ZNF330: variants seen among roughly 807,000 people sequenced by gnomAD.
ZNF330 encodes nucleolar atypical zinc finger.
Under a neutral mutation model 45.5 loss-of-function variants are expected in ZNF330, and 31 were observed. That is an observed-to-expected ratio of 0.68 (90% CI 0.51 to 0.92). The LOEUF is 0.92. Ranked by LOEUF, ZNF330 falls within the 40% of genes least tolerant of loss-of-function variation. ZNF330 has a pLI of 0.00. For missense variants in ZNF330, 356 were observed against 387.4 expected (o/e 0.92, Z 0.68); for synonymous variants, 138 against 123.2 (o/e 1.12, Z -0.79).
chr4:141,226,773 C>G lies in ZNF330; in HGVS notation c.218C>G (p.Thr73Arg). 6.2e-7 allele frequency: 1 copy of G among 1,612,436 alleles called. No homozygotes were observed. Among genetic ancestry groups the G allele is most frequent in the Non-Finnish European group, 8.5e-7 (1 of 1,179,080 alleles). Residue 73 changes from threonine to arginine, a missense_variant, in exon 5 of 10, where the codon ACA (threonine) becomes AGA (arginine). Coordinates refer to ENST00000262990, the MANE Select transcript of ZNF330 (RefSeq NM_014487.6). The stretch of plus-strand genomic sequence containing the variant: ...AAATGTTTTTCTTCATTAGGGAAAA[C>G]AAAGTGCATGATGAAGTCTTCAGAC... ...KLPICAQCGKTKCMMKSSDCV... is the reference protein window; with the variant it reads ...KLPICAQCGKRKCMMKSSDCV...
intron 9 of ZNF330, among the ~76,000 whole-genome samples, chr4:141,232,990 A>C (rs1300277352): frequency 6.6e-6 from 1 of 152,066 alleles, no homozygotes; most frequent in Non-Finnish European, 1.5e-5. Context: ...GGTAATTTTA[A>C]GTACCTAGAA....
chr4:141,232,983 A>T (rs1728995703), intron 9 of ZNF330, among the ~76,000 whole-genome samples: 1 of 152,000 alleles, frequency 6.6e-6, no homozygotes, highest in Non-Finnish European at 1.5e-5. Flanking sequence ...AAGTGGTGGT[A>T]ATTTTAAGTA....
intron 8 of ZNF330, among the ~76,000 whole-genome samples, chr4:141,231,699 A>C (rs986755398): frequency 4.6e-5 from 7 of 151,884 alleles, no homozygotes; most frequent in Admixed American, 2.6e-4. Flanking sequence ...AGCTGTGGCT[A>C]GTGCACATTT....
rs543712697 is a variant in ZNF330, at chr4:141,224,376, T to G, written c.121-111T>G. 1.0e-5 allele frequency: 10 copies of G among 956,916 alleles called. No individual in the cohort carries two copies. In the African/African-American group the frequency reaches 1.6e-4, roughly 16 times the overall value. 59.3% of individuals were successfully genotyped at this position (956,916 alleles called of 1,614,324 possible). A position where few individuals can be genotyped will look rare whatever the true frequency, so the allele number is the denominator to read the frequency against. On this transcript the variant is annotated intron_variant, in intron 2 of 9. Transcript: ENST00000262990. The stretch of plus-strand genomic sequence containing the variant: ...TACATGGGTGGAGTTGGGGCTTTGG[T>G]GTAGTGTCACTTAAATTTTAACCTG...
chr4:141,233,589 A>G (rs1729010239), intron 9 of ZNF330, 126 bp from the exon 10 acceptor site: 1 of 1,424,532 alleles, frequency 7.0e-7, no homozygotes, highest in Non-Finnish European at 9.2e-7. Context: ...AAAATTAGGA[A>G]AATGTGACCT....
chr4:141,231,049 TA>T (rs1241761488), intron 7 of ZNF330, among the ~76,000 whole-genome samples: 5 of 152,046 alleles, frequency 3.3e-5, no homozygotes, highest in Admixed American at 3.3e-4. Flanking sequence ...AAATCCTAAT[TA>T]TTATACTTAT....
At chr4:141,224,198 T>C (rs994020006) in intron 2 of ZNF330, among the ~76,000 whole-genome samples, 1 of 152,230 alleles carries the variant, frequency 6.6e-6, no homozygotes, top group Non-Finnish European at 1.5e-5. Context: ...CTTGTGTTCA[T>C]TCTGTGGTAT....
chr4:141,223,365 T>C (rs536485330), intron 2 of ZNF330, among the ~76,000 whole-genome samples: 1 of 128,570 alleles, frequency 7.8e-6, no homozygotes, highest in South Asian at 2.5e-4. Context: ...GGGAAGGATA[T>C]ACCTGGGACT....
chr4:141,221,333 G>C (rs1439010825), intron 1 of ZNF330, among the ~76,000 whole-genome samples: 1 of 152,170 alleles, frequency 6.6e-6, no homozygotes, highest in African/African-American at 2.4e-5. Flanking sequence ...GCTTGAACCC[G>C]TATAAGGCTG....
chr4:141,224,619 T>C lies in ZNF330; in HGVS notation c.153T>C (p.Asn51=). The part of the protein sequence containing the change: ...ECDKCQRRQK[N]RAFCYFCNSV... ...TTTACATGACAAGGCGGCAGAAGAA[T>C]AGAGCATTTTGCTACTTTTGTAATT... is the stretch of plus-strand genomic sequence containing the variant. Residue 51 remains asparagine (N), a synonymous_variant, in exon 4 of 10, where the codon AAT becomes AAC. Transcript: ENST00000262990. 1 of 1,613,660 alleles carries C rather than the reference T, an allele frequency of 6.2e-7. No individual in the cohort carries two copies. Among genetic ancestry groups the C allele is most frequent in the Non-Finnish European group, 8.5e-7 (1 of 1,179,692 alleles).
In ZNF330 at chr4:141,230,547, T is replaced by A. The variant is rs865863718; in HGVS notation, c.523+277T>A. On this transcript the variant is annotated intron_variant, in intron 7 of 9. Coordinates refer to ENST00000262990, the MANE Select transcript of ZNF330 (RefSeq NM_014487.6). ...GACTTACACCTTTCGTGGTTCAGAG[T>A]ACCACATGTCATTTTTACCTTCAAA... Among the ~76,000 whole-genome samples the A allele has an allele frequency of 3.3e-5, 5 of 152,180 alleles. No individual in the cohort carries two copies. The Middle Eastern group carries it at 0.014, about 414-fold the overall frequency.
At chr4:141,233,071 A>G (rs1728997253) in intron 9 of ZNF330, among the ~76,000 whole-genome samples, 1 of 152,154 alleles carries the variant, frequency 6.6e-6, no homozygotes, top group Admixed American at 6.5e-5. Context: ...GTAATATAGC[A>G]CTACTATAGG....
intron 5 of ZNF330, among the ~76,000 whole-genome samples, chr4:141,227,947 T>C (rs906955249): frequency 6.6e-6 from 1 of 152,116 alleles, no homozygotes; most frequent in Non-Finnish European, 1.5e-5. Context: ...TCCTTCTAAA[T>C]ATGAGTTAAC....
chr4:141,230,054 T>C (rs1728910941), intron 6 of ZNF330, 112 bp from the exon 7 acceptor site: 13 of 775,204 alleles, frequency 1.7e-5, no homozygotes, highest in Non-Finnish European at 2.7e-5. Flanking sequence ...GGCTGAACAA[T>C]TTTGGTGTAT....
At chr4:141,233,436 C>T (rs1312926837) in intron 9 of ZNF330, among the ~76,000 whole-genome samples, 1 of 152,120 alleles carries the variant, frequency 6.6e-6, no homozygotes, top group East Asian at 1.9e-4. Flanking sequence ...AATAAACTGT[C>T]AGTGGCCAAA....
chr4:141,233,648 T>C (rs1482543107), intron 9 of ZNF330, 67 bp from the exon 10 acceptor site: 1 of 1,484,474 alleles, frequency 6.7e-7, no homozygotes, highest in African/African-American at 1.4e-5. Flanking sequence ...TGAAATTTTA[T>C]AGAGGAAGAT....
At chr4:141,226,928 AATAT>A in intron 5 of ZNF330, 82 bp downstream of exon 5, 2 of 1,106,724 alleles carry the variant, frequency 1.8e-6, no homozygotes, top group Non-Finnish European at 2.7e-6. Flanking sequence ...TTTTTTTCTA[AATAT>A]CATTGCTTTG....
intron 5 of ZNF330, among the ~76,000 whole-genome samples, chr4:141,227,408 G>A (rs569533321): frequency 2.5e-4 from 38 of 152,050 alleles, no homozygotes; most frequent in African/African-American, 7.0e-4. Flanking sequence ...TTGTCCTTGC[G>A]ATAGTTTGCT....
intron 2 of ZNF330, chr4:141,222,823 TTTCTC>T (rs1728716140): frequency 6.0e-6 from 1 of 167,812 alleles, no homozygotes; most frequent in Admixed American, 5.9e-5. Flanking sequence ...AATTCTTTCA[TTTCTC>T]TTTTCTGAAC....
Sources: allele counts gnomAD v4.1 joint callset (sites outside exome capture counted in the v4.1 genomes callset), GRCh38; gene constraint gnomAD v4.1.1; transcripts MANE v1.5; gene names NCBI Gene and HGNC (gene_info 2026-07-23, HGNC 2026-07-21).